The following NAALADL2 variants were observed in gnomAD, a reference collection of about 807,000 sequenced individuals.
NAALADL2 encodes the protein inactive N-acetylated-alpha-linked acidic dipeptidase-like protein 2.
NAALADL2 carries 76 observed loss-of-function variants against 87.2 expected under a neutral mutation model. That is an observed-to-expected ratio of 0.87 (90% confidence interval 0.72 to 1.05). NAALADL2 has a LOEUF of 1.05. NAALADL2 is among the 50% of genes least tolerant of loss of function. NAALADL2 has a pLI of 0.00. For synonymous variants in NAALADL2, 354 were observed against 331.0 expected (o/e 1.07, Z -0.75); for missense variants, 1,089 against 945.8 (o/e 1.15, Z -1.99).
At chr3:174,539,100 T>C (rs1721987952) in intron 1 of NAALADL2, among the ~76,000 whole-genome samples, 1 of 152,068 alleles carries the variant, frequency 6.6e-6, no homozygotes, top group Non-Finnish European at 1.5e-5. Flanking sequence ...AAATAAACAA[T>C]CTAATAATAT....
intron 1 of NAALADL2, among the ~76,000 whole-genome samples, chr3:175,053,743 C>T (rs746184418): frequency 3.9e-5 from 6 of 152,218 alleles, no homozygotes; most frequent in Admixed American, 2.6e-4. Flanking sequence ...GGATTAACTC[C>T]TCCCGTAAAA....
At chr3:174,578,493 G>A (rs1331552299) in intron 2 of NAALADL2, among the ~76,000 whole-genome samples, 1 of 151,926 alleles carries the variant, frequency 6.6e-6, no homozygotes, top group African/African-American at 2.4e-5. Flanking sequence ...GAAAAAAACA[G>A]TCAACCTCAA....
rs765941523 is a variant in NAALADL2 at position 175,664,881 on chromosome 3, A to G, written c.1896+37495A>G. The stretch of plus-strand genomic sequence containing the variant: ...ATCCTATCAAAGGTTTTACCTTATC[A>G]TATTTCCAGCTTACAGTGAAGGTCC... On this transcript the variant is annotated intron_variant, in intron 11 of 13. Coordinates refer to ENST00000454872, the MANE Select transcript of NAALADL2 (RefSeq NM_207015.3). 2.1e-4 allele frequency among the ~76,000 whole-genome samples: 32 copies of G among 152,088 alleles called. 1 individual carries two copies. Among genetic ancestry groups the G allele is most frequent in the Admixed American group, 6.6e-4 (10 of 15,264 alleles).
chr3:175,653,679 A>G (rs1049040521), intron 11 of NAALADL2, among the ~76,000 whole-genome samples: 2 of 152,090 alleles, frequency 1.3e-5, no homozygotes, highest in African/African-American at 4.8e-5. Flanking sequence ...ACAGAAATTT[A>G]TTGTTTCAGG....
In NAALADL2 at chr3:175,467,103, G is replaced by A. The variant is rs1308337214; in HGVS notation, c.1452G>A (p.Gly484=). ...CCTTGATGTCAAAAGTTAAGAGAGG[G>A]TGGAGACCAGACCGAACTATTGTTT... ...IRALMSKVKR[G]WRPDRTIVFC... The change falls in exon 8 of 14, where the codon GGG becomes GGA. Residue 484 remains glycine (G), a synonymous_variant. Transcript: ENST00000454872. 1.2e-6 allele frequency: 2 copies of A among 1,613,910 alleles called. No individual in the cohort carries two copies. The highest frequency in any genetic ancestry group is 1.7e-6 in the Non-Finnish European group (2 of 1,179,828).
intron 3 of NAALADL2, among the ~76,000 whole-genome samples, chr3:174,825,801 G>A (rs544380756): frequency 1.3e-5 from 2 of 152,302 alleles, no homozygotes; most frequent in Non-Finnish European, 2.9e-5. Context: ...GCCGAGGTGG[G>A]CAGATAACGA....
chr3:175,806,295 A>C lies in NAALADL2; in HGVS notation c.*3092A>C, dbSNP rs1290422372. ...CCTTACAGAACACCAGAAGTCAGGA[A>C]GAAGGACATTGAGCAAAATATATCT... On this transcript the variant is annotated 3_prime_UTR_variant, in exon 14 of 14. Transcript: ENST00000454872. 6.6e-6 allele frequency: 1 copy of C among 151,876 alleles called. No individual in the cohort carries two copies. The highest frequency in any genetic ancestry group is 1.5e-5 in the Non-Finnish European group (1 of 67,874). The allele number at this position is 151,876 out of a possible 1,614,324, so 9.4% of individuals were successfully genotyped here.
intron 11 of NAALADL2, among the ~76,000 whole-genome samples, chr3:175,649,665 C>G (rs1257897953): frequency 6.6e-6 from 1 of 152,092 alleles, no homozygotes; most frequent in Non-Finnish European, 1.5e-5. Flanking sequence ...TCCAAGCTCT[C>G]TGGTATCTCT....
At chr3:174,597,314 A>G (rs1001352003) in intron 2 of NAALADL2, among the ~76,000 whole-genome samples, 3 of 152,214 alleles carry the variant, frequency 2.0e-5, no homozygotes, top group African/African-American at 7.2e-5. Flanking sequence ...ATGATCACAT[A>G]GGTACCCATT....
intron 9 of NAALADL2, among the ~76,000 whole-genome samples, chr3:175,563,894 C>T (rs1037197003): frequency 3.9e-5 from 6 of 152,126 alleles, no homozygotes; most frequent in African/African-American, 1.4e-4. Context: ...CAATGGTGTC[C>T]GCAAAGGTCT....
At chr3:174,797,458 C>T (rs1219640452) in intron 3 of NAALADL2, among the ~76,000 whole-genome samples, 1 of 151,472 alleles carries the variant, frequency 6.6e-6, no homozygotes, top group African/African-American at 2.4e-5. Flanking sequence ...TTGCAGGCGC[C>T]TTCCACCACG....
intron 3 of NAALADL2, among the ~76,000 whole-genome samples, chr3:174,789,720 A>G (rs150576164): frequency 9.8e-5 from 15 of 152,366 alleles, no homozygotes; most frequent in African/African-American, 3.6e-4. Flanking sequence ...AGCAGCTAAT[A>G]TCATAGCAAC....
intron 11 of NAALADL2, among the ~76,000 whole-genome samples, chr3:175,730,848 C>T (rs144871072): frequency 6.6e-6 from 1 of 152,180 alleles, no homozygotes; most frequent in Non-Finnish European, 1.5e-5. Flanking sequence ...TCTTGAGGTA[C>T]ATGTGTGCTT....
chr3:174,984,192 A>C (rs1745507300), intron 1 of NAALADL2, among the ~76,000 whole-genome samples: 1 of 152,234 alleles, frequency 6.6e-6, no homozygotes, highest in African/African-American at 2.4e-5. Flanking sequence ...AAAACATAAA[A>C]GGTTGGTCTA....
intron 10 of NAALADL2, among the ~76,000 whole-genome samples, chr3:175,615,867 T>TATATATATGTATA (rs1725278986): frequency 6.8e-6 from 1 of 147,812 alleles, no homozygotes; most frequent in Non-Finnish European, 1.5e-5. Context: ...AAAAAATATA[T>TATATATATGTATA]ATATATATGT....
chr3:174,812,361 G>T (rs367947947), intron 3 of NAALADL2, among the ~76,000 whole-genome samples: 2 of 152,156 alleles, frequency 1.3e-5, no homozygotes, highest in East Asian at 3.8e-4. Flanking sequence ...TAACATCACA[G>T]TGCAACAAGT....
chr3:175,523,176 G>A (rs911661787), intron 9 of NAALADL2, among the ~76,000 whole-genome samples: 46 of 152,122 alleles, frequency 3.0e-4, no homozygotes, highest in Non-Finnish European at 3.5e-4. Flanking sequence ...TGATGTTGCC[G>A]CCTGGAAACA....
At chr3:174,879,497 G>A (rs944475858) in intron 1 of NAALADL2, among the ~76,000 whole-genome samples, 16 of 151,918 alleles carry the variant, frequency 1.1e-4, no homozygotes, top group African/African-American at 2.9e-4. Flanking sequence ...TTTTTCCTAC[G>A]GAGGTAAATG....
intron 2 of NAALADL2, among the ~76,000 whole-genome samples, chr3:175,129,719 C>T (rs1242390564): frequency 2.0e-5 from 3 of 152,078 alleles, no homozygotes; most frequent in East Asian, 1.9e-4. Flanking sequence ...TCCATTCATC[C>T]GTTGACAGAC....
Sources: allele counts gnomAD v4.1 joint callset (sites outside exome capture counted in the v4.1 genomes callset), GRCh38; gene constraint gnomAD v4.1.1; transcripts MANE v1.5; gene names NCBI Gene and HGNC (gene_info 2026-07-23, HGNC 2026-07-21).